The following TENM4 variants were observed in gnomAD, a reference collection of about 807,000 sequenced individuals.
The protein encoded by TENM4 is teneurin-4.
TENM4 carries 82 observed loss-of-function variants against 243.3 expected under a neutral mutation model. That is an observed-to-expected ratio of 0.34 (90% CI 0.28 to 0.40). The LOEUF (loss-of-function observed/expected upper bound fraction) is 0.40. Among genes scored for constraint, TENM4 ranks in the 10% least tolerant of loss-of-function variants. TENM4 has a pLI of 1.00. For synonymous variants in TENM4, 1,412 were observed against 1,456.3 expected (o/e 0.97, Z 0.69); for missense variants, 3,138 against 3,673.3 (o/e 0.85, Z 3.77).
At chr11:78,943,894 G>A (rs1856957027) in intron 6 of TENM4, among the ~76,000 whole-genome samples, 1 of 152,176 alleles carries the variant, frequency 6.6e-6, no homozygotes, top group Non-Finnish European at 1.5e-5. Context: ...TTTGGGTATA[G>A]CCTTTTGGGA....
chr11:78,666,820 C>A (rs1454672550), intron 32 of TENM4, among the ~76,000 whole-genome samples: 1 of 152,110 alleles, frequency 6.6e-6, no homozygotes, highest in Non-Finnish European at 1.5e-5. Flanking sequence ...TAAAGGAGAG[C>A]ATATCTGCCA....
intron 4 of TENM4, among the ~76,000 whole-genome samples, chr11:79,098,621 G>A (rs1312424169): frequency 6.6e-6 from 1 of 152,190 alleles, no homozygotes; most frequent in Non-Finnish European, 1.5e-5. Flanking sequence ...CGGAAGAAAA[G>A]CAGACAGAGG....
Position 79,440,463 on chromosome 11 carries a change from G to T in TENM4, c.-321+46C>A, listed in dbSNP as rs1418357135. On this transcript the variant is annotated intron_variant, in intron 1 of 33. Coordinates refer to ENST00000278550, the MANE Select transcript of TENM4 (RefSeq NM_001098816.3). The surrounding 1 kb of genome is among the most constrained non-coding windows in gnomAD (Gnocchi z 4.7). ...GCGATGGAGCTGGCGAGGCGTCGCC[G>T]CGGTCCCCAAGGCGCTTTTCCGTAG... The T allele has an allele frequency of 6.6e-6, 1 of 152,332 alleles. No homozygotes were observed. The highest frequency in any genetic ancestry group is 1.5e-5 in the Non-Finnish European group (1 of 68,148). The allele number at this position is 152,332 out of a possible 1,614,324, so 9.4% of individuals were successfully genotyped here.
rs1857517094 is a variant in TENM4, at chr11:78,812,268, C to T, written c.1832G>A (p.Arg611Lys). 2.6e-6 allele frequency: 4 copies of T among 1,552,032 alleles called. No individual in the cohort carries two copies. In the South Asian group the frequency reaches 3.6e-5, roughly 14 times the overall value. The change falls in exon 14 of 34, where the codon AGA becomes AAA. Residue 611 changes from arginine (R) to lysine (K), a missense_variant. By Grantham distance (26) the Arg-to-Lys change is conservative. This residue lies in a region of TENM4 where 2,467 missense variants were observed against 3,059.1 expected (regional missense o/e 0.81). Coordinates refer to ENST00000278550, the MANE Select transcript of TENM4 (RefSeq NM_001098816.3). ...CSGNGQYMKG[R>K]CLCHSGWKGA... is the part of the protein sequence containing the mutation. ...TTTCCAGCCACTGTGGCACAAGCAT[C>T]TGCCTTTCATGTATTGGCCATTTCC...
chr11:79,329,555 G>A (rs1183223988), intron 1 of TENM4, among the ~76,000 whole-genome samples: 1 of 152,214 alleles, frequency 6.6e-6, no homozygotes, highest in Non-Finnish European at 1.5e-5. Context: ...TATGCTGGGG[G>A]TGGTAGTCAA....
chr11:79,127,433 A>G, intron 4 of TENM4, among the ~76,000 whole-genome samples: 1 of 136,414 alleles, frequency 7.3e-6, no homozygotes, highest in South Asian at 2.2e-4. Context: ...CAGCTGCTGC[A>G]CCAGATGTGG....
At chr11:79,310,956 T>G (rs1856709582) in intron 1 of TENM4, among the ~76,000 whole-genome samples, 1 of 152,210 alleles carries the variant, frequency 6.6e-6, no homozygotes, top group African/African-American at 2.4e-5. Flanking sequence ...TAAACATTAT[T>G]TACATTTCTG....
intron 6 of TENM4, among the ~76,000 whole-genome samples, chr11:78,981,825 C>T (rs994232411): frequency 1.3e-5 from 2 of 152,174 alleles, no homozygotes; most frequent in African/African-American, 4.8e-5. Context: ...AACCCACTCC[C>T]ACTGCTTTCG....
chr11:79,207,865 CAAAAAAAAA>C (rs569705318), intron 3 of TENM4, among the ~76,000 whole-genome samples: 4 of 66,654 alleles, frequency 6.0e-5, no homozygotes, highest in East Asian at 4.5e-4. Flanking sequence ...GACTCTGTCT[CAAAAAAAAA>C]AAAAAAAAAA....
chr11:79,163,146 C>T (rs1329408353), intron 3 of TENM4, among the ~76,000 whole-genome samples: 1 of 152,178 alleles, frequency 6.6e-6, no homozygotes, highest in East Asian at 1.9e-4. Context: ...TTTCCCTCTG[C>T]CCAATGGCAC....
At chr11:79,329,206 G>A (rs897088699) in intron 1 of TENM4, among the ~76,000 whole-genome samples, 7 of 152,036 alleles carry the variant, frequency 4.6e-5, no homozygotes, top group Admixed American at 3.9e-4. Context: ...CTGTTCCGTC[G>A]TCTCCAGATC....
At chr11:78,946,505 C>A (rs1284863289) in intron 6 of TENM4, among the ~76,000 whole-genome samples, 1 of 152,230 alleles carries the variant, frequency 6.6e-6, no homozygotes, top group Admixed American at 6.5e-5. Flanking sequence ...TTCATGCCTG[C>A]TCATGTAACA....
At chr11:78,675,285 G>A (rs1227525214) in intron 30 of TENM4, among the ~76,000 whole-genome samples, 1 of 148,444 alleles carries the variant, frequency 6.7e-6, no homozygotes, top group Non-Finnish European at 1.5e-5. Context: ...TTTGCTGAAG[G>A]GCAGGGGACT....
intron 3 of TENM4, among the ~76,000 whole-genome samples, chr11:79,211,904 G>A (rs554622382): frequency 6.6e-5 from 10 of 152,312 alleles, no homozygotes; most frequent in Admixed American, 2.0e-4. Flanking sequence ...GGAAGGCAGG[G>A]GAGGACAAGG....
intron 21 of TENM4, 51 bp downstream of exon 21, chr11:78,732,265 C>G: frequency 6.5e-7 from 1 of 1,542,630 alleles, no homozygotes; most frequent in Non-Finnish European, 8.7e-7. Context: ...CCTCCTCCAC[C>G]CCCAAAATGA....
chr11:79,226,752 C>G (rs114245442), intron 2 of TENM4, among the ~76,000 whole-genome samples: 2,087 of 152,298 alleles, frequency 0.014, 50 homozygotes, highest in African/African-American at 0.047. Context: ...AAAACAGGCT[C>G]TTGATTTTTC....
intron 1 of TENM4, among the ~76,000 whole-genome samples, chr11:79,401,516 A>G (rs557049411): frequency 2.4e-4 from 37 of 152,372 alleles, no homozygotes; most frequent in African/African-American, 8.2e-4. Context: ...AAAGTAATAA[A>G]TACTTTTTGC....
chr11:79,275,501 C>G (rs888915408), intron 2 of TENM4, among the ~76,000 whole-genome samples: 4 of 152,214 alleles, frequency 2.6e-5, no homozygotes, highest in African/African-American at 4.8e-5. Flanking sequence ...ACAAGCAAAC[C>G]AATTGAGAGC....
intron 6 of TENM4, among the ~76,000 whole-genome samples, chr11:78,949,800 G>A (rs1272151132): frequency 6.6e-6 from 1 of 152,164 alleles, no homozygotes. Flanking sequence ...TTAGTTGTGG[G>A]CCTGCTGCAT....
Sources: gnomAD v4.1 joint callset for allele counts (sites outside exome capture counted in the v4.1 genomes callset) on GRCh38, gnomAD v4.1.1 for gene constraint, gnomAD v4.1.1 regional missense constraint, Gnocchi (gnomAD v3.1) non-coding constraint, MANE v1.5 for transcripts, NCBI Gene and HGNC (gene_info 2026-07-23, HGNC 2026-07-21) for gene names.